ZDHHC14: variants seen among roughly 807,000 people sequenced by gnomAD.
ZDHHC14 encodes zDHHC palmitoyltransferase 14.
ZDHHC14 carries 16 observed loss-of-function variants against 47.7 expected under a neutral mutation model. That is an observed-to-expected ratio of 0.34 (90% CI 0.23 to 0.51). The LOEUF is 0.51. ZDHHC14 is among the 20% of genes least tolerant of loss of function. The pLI is 0.97. For synonymous variants in ZDHHC14, 293 were observed against 278.9 expected (o/e 1.05, Z -0.50); for missense variants, 515 against 662.5 (o/e 0.78, Z 2.44).
intron 2 of ZDHHC14, among the ~76,000 whole-genome samples, chr6:157,567,009 C>G (rs188859123): frequency 3.3e-3 from 496 of 152,088 alleles, no homozygotes; most frequent in African/African-American, 0.011. Context: ...TGCCTCCATG[C>G]CCAGCTAATT....
chr6:157,487,631 A>G (rs1779813132), intron 1 of ZDHHC14, among the ~76,000 whole-genome samples: 1 of 152,236 alleles, frequency 6.6e-6, no homozygotes, highest in Non-Finnish European at 1.5e-5. Context: ...CCCAGGTCAG[A>G]GCACTTAACC....
At chr6:157,389,544 T>C (rs189340787) in intron 1 of ZDHHC14, among the ~76,000 whole-genome samples, 63 of 152,356 alleles carry the variant, frequency 4.1e-4, no homozygotes, top group Admixed American at 3.4e-3. Context: ...CTAATGTGTA[T>C]TTTGTTTCTC....
At chr6:157,534,615 G>A (rs145031938) in intron 1 of ZDHHC14, among the ~76,000 whole-genome samples, 2 of 150,850 alleles carry the variant, frequency 1.3e-5, no homozygotes, top group Non-Finnish European at 1.5e-5. Flanking sequence ...TTGAGACAGG[G>A]TCTGGCTCTG....
intron 1 of ZDHHC14, among the ~76,000 whole-genome samples, chr6:157,508,805 C>T (rs1780392202): frequency 6.6e-6 from 1 of 151,956 alleles, no homozygotes; most frequent in South Asian, 2.1e-4. Context: ...TTAAATTCAC[C>T]TGCAATATCT....
At chr6:157,612,581 C>T (rs747475027) in intron 3 of ZDHHC14, among the ~76,000 whole-genome samples, 5 of 152,196 alleles carry the variant, frequency 3.3e-5, no homozygotes, top group Non-Finnish European at 7.3e-5. Flanking sequence ...CTTCATAGCT[C>T]TGACCAGGGT....
intron 8 of ZDHHC14, among the ~76,000 whole-genome samples, chr6:157,661,536 G>A (rs1364754752): frequency 1.3e-5 from 2 of 152,174 alleles, no homozygotes; most frequent in Non-Finnish European, 2.9e-5. Context: ...AGATAATCCT[G>A]AAAGATGATG....
chr6:157,610,530 C>T (rs530232422), intron 3 of ZDHHC14, among the ~76,000 whole-genome samples: 32 of 152,172 alleles, frequency 2.1e-4, no homozygotes, highest in Non-Finnish European at 4.4e-4. Flanking sequence ...CAACAGGCTC[C>T]ACATTTCAGG....
chr6:157,512,635 G>C (rs1273752525), intron 1 of ZDHHC14, among the ~76,000 whole-genome samples: 1 of 152,078 alleles, frequency 6.6e-6, no homozygotes, highest in Non-Finnish European at 1.5e-5. Context: ...TTGAGCCCAG[G>C]AGTTCAAGAC....
At chr6:157,489,462 TG>T (rs1032596787) in intron 1 of ZDHHC14, among the ~76,000 whole-genome samples, 2 of 152,204 alleles carry the variant, frequency 1.3e-5, no homozygotes, top group African/African-American at 4.8e-5. Flanking sequence ...TTTTTATTGT[TG>T]TTTTTATTGA....
At chr6:157,485,717 G>C (rs931898148) in intron 1 of ZDHHC14, among the ~76,000 whole-genome samples, 1 of 145,622 alleles carries the variant, frequency 6.9e-6, no homozygotes, top group African/African-American at 2.5e-5. Context: ...AATCTATAAA[G>C]AATGCTTCTA....
chr6:157,657,685 T>G (rs943883626), intron 8 of ZDHHC14, among the ~76,000 whole-genome samples: 2 of 152,328 alleles, frequency 1.3e-5, no homozygotes, highest in African/African-American at 4.8e-5. Context: ...GTCATACGCG[T>G]ATAAGCACTA....
intron 3 of ZDHHC14, among the ~76,000 whole-genome samples, chr6:157,624,760 C>T (rs1785335683): frequency 6.6e-6 from 1 of 152,206 alleles, no homozygotes. Flanking sequence ...AGTTACTTGA[C>T]AAATGTGTGT....
chr6:157,448,638 G>C (rs1382091487), intron 1 of ZDHHC14, among the ~76,000 whole-genome samples: 1 of 152,174 alleles, frequency 6.6e-6, no homozygotes, highest in African/African-American at 2.4e-5. Flanking sequence ...TTGTGTGCTT[G>C]GCACAATGAG....
At chr6:157,456,978 G>A (rs1307849918) in intron 1 of ZDHHC14, among the ~76,000 whole-genome samples, 2 of 129,410 alleles carry the variant, frequency 1.5e-5, no homozygotes, top group African/African-American at 5.5e-5. Context: ...GTGAAACTCT[G>A]TCTCTACTAA....
intron 3 of ZDHHC14, among the ~76,000 whole-genome samples, chr6:157,600,019 A>G (rs1038027524): frequency 2.0e-5 from 3 of 152,260 alleles, no homozygotes; most frequent in South Asian, 2.1e-4. Context: ...ATTACTAGCC[A>G]TGAAAAACTG....
At chr6:157,612,131 A>G (rs547094746) in intron 3 of ZDHHC14, among the ~76,000 whole-genome samples, 12 of 152,188 alleles carry the variant, frequency 7.9e-5, no homozygotes, top group African/African-American at 2.4e-4. Context: ...CTGCTCACCT[A>G]ATCCATCACC....
intron 7 of ZDHHC14, among the ~76,000 whole-genome samples, chr6:157,650,251 G>A (rs1340430666): frequency 6.6e-5 from 10 of 152,210 alleles, no homozygotes; most frequent in Non-Finnish European, 1.2e-4. Flanking sequence ...AGGAGGAAGC[G>A]GTGGGGAGGA....
At chr6:157,616,079 G>C (rs1255366076) in intron 3 of ZDHHC14, among the ~76,000 whole-genome samples, 1 of 152,176 alleles carries the variant, frequency 6.6e-6, no homozygotes. Flanking sequence ...AGAGACTTCA[G>C]GCAAGAGGCT....
chr6:157,639,874 TAA>T (rs745353452), intron 5 of ZDHHC14, among the ~76,000 whole-genome samples: 1 of 152,174 alleles, frequency 6.6e-6, no homozygotes, highest in Admixed American at 6.5e-5. Context: ...AAAAAGAATC[TAA>T]AAGATAACAC....
Sources: allele counts gnomAD v4.1 joint callset (sites outside exome capture counted in the v4.1 genomes callset), GRCh38; gene constraint gnomAD v4.1.1; transcripts MANE v1.5; gene names NCBI Gene and HGNC (gene_info 2026-07-23, HGNC 2026-07-21).